Variants in LNX1 observed in about 807,000 individuals in gnomAD.
LNX1 encodes E3 ubiquitin-protein ligase LNX.
LNX1 carries 54 observed loss-of-function variants against 68.4 expected under a neutral mutation model. That is an observed-to-expected ratio of 0.79 (90% CI 0.63 to 0.99). The LOEUF is 0.99. Ranked by LOEUF, LNX1 falls within the 50% of genes least tolerant of loss-of-function variation. The pLI is 0.00. For missense variants in LNX1, 906 were observed against 926.4 expected (o/e 0.98, Z 0.29); for synonymous variants, 336 against 350.0 (o/e 0.96, Z 0.45).
At chr4:53,637,644 C>A (rs1432175823) in intron 1 of LNX1, among the ~76,000 whole-genome samples, 5 of 152,012 alleles carry the variant, frequency 3.3e-5, no homozygotes, top group Admixed American at 2.0e-4. Flanking sequence ...GAATGTGCAA[C>A]CTTATTTTTT....
chr4:53,584,715 G>C (rs1156740583), intron 1 of LNX1, among the ~76,000 whole-genome samples: 1 of 152,180 alleles, frequency 6.6e-6, no homozygotes, highest in East Asian at 1.9e-4. Context: ...ATAGGATTTT[G>C]ATCGGTTAAG....
chr4:53,568,640 T>A (rs948387495), intron 2 of LNX1, among the ~76,000 whole-genome samples: 1 of 147,010 alleles, frequency 6.8e-6, no homozygotes, highest in Non-Finnish European at 1.5e-5. Flanking sequence ...CTATTCAACA[T>A]AGTGTTGGAA....
intron 9 of LNX1, among the ~76,000 whole-genome samples, chr4:53,466,118 C>T (rs1320497934): frequency 2.0e-5 from 3 of 151,142 alleles, no homozygotes; most frequent in Admixed American, 2.0e-4. Flanking sequence ...ACCCAAGCTC[C>T]ACAGAGGAGT....
chr4:53,519,804 C>T (rs766675661), intron 2 of LNX1, among the ~76,000 whole-genome samples: 1 of 152,148 alleles, frequency 6.6e-6, no homozygotes, highest in Non-Finnish European at 1.5e-5. Context: ...TTTGCAAATG[C>T]GGGAACTTAA....
chr4:53,651,832 C>G (rs1735109891), intron 1 of LNX1, among the ~76,000 whole-genome samples: 1 of 152,146 alleles, frequency 6.6e-6, no homozygotes, highest in Non-Finnish European at 1.5e-5. Flanking sequence ...AGTGGGAATA[C>G]TTACATTTTT....
intron 2 of LNX1, among the ~76,000 whole-genome samples, chr4:53,540,548 G>T (rs948116846): frequency 3.9e-5 from 6 of 151,960 alleles, no homozygotes; most frequent in Non-Finnish European, 1.5e-5. Context: ...TGGGCATGGT[G>T]GTGGGTGCCT....
chr4:53,580,283 T>C (rs1162859088), intron 1 of LNX1, among the ~76,000 whole-genome samples: 1 of 152,238 alleles, frequency 6.6e-6, no homozygotes, highest in African/African-American at 2.4e-5. Flanking sequence ...CCTTTAATTA[T>C]TTGAAGACAG....
intron 9 of LNX1, among the ~76,000 whole-genome samples, chr4:53,464,125 G>A (rs556640130): frequency 4.8e-4 from 73 of 152,236 alleles, no homozygotes; most frequent in Middle Eastern, 3.4e-3. Flanking sequence ...CAGAAAATTG[G>A]AAATTGAATC....
At chr4:53,496,925 G>A (rs1725109768) in intron 5 of LNX1, among the ~76,000 whole-genome samples, 1 of 152,216 alleles carries the variant, frequency 6.6e-6, no homozygotes, top group East Asian at 1.9e-4. Context: ...GTGAGGGTCT[G>A]AGTGTGTGAG....
chr4:53,573,212 G>A lies in LNX1; in HGVS notation c.380+411C>T, dbSNP rs115372520. Among the ~76,000 whole-genome samples, 1,393 of 152,294 alleles carry A rather than the reference G, an allele frequency of 9.1e-3. 12 individuals carry two copies. Among genetic ancestry groups the A allele is most frequent in the Admixed American group, 0.011 (164 of 15,290 alleles). On this transcript the variant is annotated intron_variant, in intron 2 of 10. Coordinates refer to ENST00000263925, the MANE Select transcript of LNX1 (RefSeq NM_001126328.3). ...GTCATATCCATGGAGACAAAAAGTG[G>A]AATGGTGGCTGCCAGGGGCTGGGGG...
intron 1 of LNX1, among the ~76,000 whole-genome samples, chr4:53,580,535 A>C (rs1731767247): frequency 6.6e-6 from 1 of 152,162 alleles, no homozygotes; most frequent in African/African-American, 2.4e-5. Flanking sequence ...CTGTTACTGG[A>C]GTGGGTAGAG....
At chr4:53,595,864 T>C (rs1162400345), upstream of LNX1, among the ~76,000 whole-genome samples, 5 of 152,288 alleles carry the variant, frequency 3.3e-5, no homozygotes, top group African/African-American at 1.2e-4. Context: ...CCCATTTTGC[T>C]TCCTATTTTT....
At position 53,461,034 on chromosome 4, in the gene LNX1, T is replaced by C; in HGVS notation, c.2060A>G (p.Asp687Gly). ...TCTACCATTGACAGCAAGAAGAATATCACCACATCTAAAAAAAAAAACAAA... is the reference window on the plus strand; with the variant it reads ...TCTACCATTGACAGCAAGAAGAATACCACCACATCTAAAAAAAAAAACAAA... ...AYNDGRIRCG[D>G]ILLAVNGRST... The change falls in exon 11 of 11, where the codon GAT (aspartate) becomes GGT (glycine). Residue 687 changes from aspartate (D) to glycine (G), a missense_variant. Transcript: ENST00000263925. The C allele has an allele frequency of 6.4e-7, 1 of 1,563,012 alleles. No individual in the cohort carries two copies. Among genetic ancestry groups the C allele is most frequent in the Non-Finnish European group, 8.6e-7 (1 of 1,162,480 alleles).
upstream of LNX1, among the ~76,000 whole-genome samples, chr4:53,620,914 C>T (rs201062827): frequency 6.6e-6 from 1 of 152,030 alleles, no homozygotes; most frequent in Non-Finnish European, 1.5e-5. Flanking sequence ...TTTGAGCTTC[C>T]AATAAACTTA....
intron 2 of LNX1, among the ~76,000 whole-genome samples, chr4:53,597,144 G>A (rs576050346): frequency 6.6e-6 from 1 of 152,266 alleles, no homozygotes; most frequent in African/African-American, 2.4e-5. Context: ...TACGAGCCTG[G>A]AGATGAGTGC....
intron 1 of LNX1, among the ~76,000 whole-genome samples, chr4:53,590,909 T>C (rs1177357082): frequency 1.3e-5 from 2 of 152,128 alleles, no homozygotes; most frequent in Non-Finnish European, 2.9e-5. Context: ...AGGAACAGGT[T>C]TTCAGGGGGA....
intron 2 of LNX1, among the ~76,000 whole-genome samples, chr4:53,520,198 C>A (rs1727111502): frequency 6.6e-6 from 1 of 152,208 alleles, no homozygotes; most frequent in Admixed American, 6.5e-5. Context: ...CCTCTCACAG[C>A]AACCCCTGCG....
intron 9 of LNX1, among the ~76,000 whole-genome samples, chr4:53,461,798 T>G (rs138984699): frequency 6.6e-6 from 1 of 152,218 alleles, no homozygotes; most frequent in African/African-American, 2.4e-5. Flanking sequence ...TCCATAATTT[T>G]GAATATCCTT....
At chr4:53,626,853 A>G (rs1734093154) in intron 1 of LNX1, among the ~76,000 whole-genome samples, 1 of 152,172 alleles carries the variant, frequency 6.6e-6, no homozygotes, top group South Asian at 2.1e-4. Context: ...TCTAATAAAA[A>G]CCACACCATG....
Sources: gnomAD v4.1 joint callset for allele counts (sites outside exome capture counted in the v4.1 genomes callset) on GRCh38, gnomAD v4.1.1 for gene constraint, MANE v1.5 for transcripts, NCBI Gene and HGNC (gene_info 2026-07-23, HGNC 2026-07-21) for gene names.